ADGRB3: variants seen among roughly 807,000 people sequenced by gnomAD.
ADGRB3 encodes the protein brain-specific angiogenesis inhibitor 3.
In ADGRB3, 37 loss-of-function variants were observed where a neutral mutation model predicts 193.4. The ratio of observed to expected loss-of-function variants is 0.19; its 90% CI spans 0.15 to 0.25. The LOEUF is 0.25. Ranked by LOEUF, ADGRB3 falls within the 10% of genes least tolerant of loss-of-function variation. ADGRB3 has a pLI of 1.00. For missense variants in ADGRB3, 1,637 were observed against 1,852.9 expected (o/e 0.88, Z 2.14); for synonymous variants, 690 against 644.2 (o/e 1.07, Z -1.08).
At chr6:68,961,142 T>TA (rs1343267628) in intron 8 of ADGRB3, among the ~76,000 whole-genome samples, 1 of 152,172 alleles carries the variant, frequency 6.6e-6, no homozygotes, top group African/African-American at 2.4e-5. Flanking sequence ...TCAGCCAAAA[T>TA]AAGATCTCTT....
chr6:68,807,548 AT>A (rs1767431072), intron 3 of ADGRB3, among the ~76,000 whole-genome samples: 1 of 151,816 alleles, frequency 6.6e-6, no homozygotes, highest in Non-Finnish European at 1.5e-5. Context: ...CCGGATGTTA[AT>A]TTTTGTTAAC....
rs1554252054 is a variant in ADGRB3 at position 69,043,290 on chromosome 6, G to GAGAAAGAAAGAAAGAAAA, written c.2108-4878_2108-4877insAAGAAAGAAAGAAAGAAA. On this transcript the variant is annotated intron_variant, in intron 13 of 31. Transcript: ENST00000370598. ...GGAAAGAAAAGGAAAGGAAGAAAGA[G>GAGAAAGAAAGAAAGAAAA]AGAAAGAAAGAAAGAAAGAAAGAAA... 3.2e-4 allele frequency among the ~76,000 whole-genome samples: 28 copies of GAGAAAGAAAGAAAGAAAA among 88,088 alleles called. 1 individual carries two copies. The highest frequency in any genetic ancestry group is 1.8e-3 in the Admixed American group (16 of 9,024). 57.8% of individuals were successfully genotyped at this position (88,088 alleles called of 152,430 possible). A position where few individuals can be genotyped will look rare whatever the true frequency, so the allele number is the denominator to read the frequency against.
chr6:69,084,418 G>T (rs976007457), intron 17 of ADGRB3, among the ~76,000 whole-genome samples: 1 of 152,056 alleles, frequency 6.6e-6, no homozygotes, highest in African/African-American at 2.4e-5. Context: ...TAATTTTCTA[G>T]CATGGTAATA....
At chr6:68,849,466 G>A (rs1165417351) in intron 3 of ADGRB3, among the ~76,000 whole-genome samples, 1 of 151,890 alleles carries the variant, frequency 6.6e-6, no homozygotes, top group African/African-American at 2.4e-5. Context: ...AATCAAACTT[G>A]TGAAGTTCAA....
intron 17 of ADGRB3, among the ~76,000 whole-genome samples, chr6:69,137,056 C>CTTTTTTTTTTTTTTTTTTTTTTTTT (rs71548125): frequency 1.2e-5 from 1 of 80,112 alleles, no homozygotes; most frequent in Non-Finnish European, 2.4e-5. Context: ...TCTTTTCTTT[C>CTTTTTTTTTTTTTTTTTTTTTTTTT]TTTTTTTTTT....
At chr6:69,151,796 C>T (rs1013031316) in intron 17 of ADGRB3, among the ~76,000 whole-genome samples, 42 of 152,274 alleles carry the variant, frequency 2.8e-4, no homozygotes, top group African/African-American at 9.6e-4. Context: ...TTGGCTGTGT[C>T]GCCATCCAAA....
At chr6:69,191,468 C>G (rs1461071244) in intron 17 of ADGRB3, among the ~76,000 whole-genome samples, 1 of 151,934 alleles carries the variant, frequency 6.6e-6, no homozygotes, top group African/African-American at 2.4e-5. Context: ...ATAGTGAAGT[C>G]AAGAAGTGAT....
chr6:69,313,557 G>A (rs955770164), intron 20 of ADGRB3, among the ~76,000 whole-genome samples: 3 of 151,718 alleles, frequency 2.0e-5, no homozygotes, highest in Non-Finnish European at 4.4e-5. Context: ...CAAGTTGAAA[G>A]CAATTTTATA....
chr6:68,973,755 A>G (rs941117157), intron 8 of ADGRB3, among the ~76,000 whole-genome samples: 1 of 152,222 alleles, frequency 6.6e-6, no homozygotes, highest in Non-Finnish European at 1.5e-5. Context: ...GAAGACTGAT[A>G]TATGAACATG....
chr6:68,757,145 C>A (rs910872223), intron 3 of ADGRB3, among the ~76,000 whole-genome samples: 15 of 151,996 alleles, frequency 9.9e-5, no homozygotes, highest in African/African-American at 3.6e-4. Flanking sequence ...CTTTTCTGTT[C>A]TTTTCTCTAT....
At chr6:68,734,708 A>G (rs1170588562) in intron 3 of ADGRB3, among the ~76,000 whole-genome samples, 1 of 152,100 alleles carries the variant, frequency 6.6e-6, no homozygotes, top group African/African-American at 2.4e-5. Flanking sequence ...CAAAGTAGTT[A>G]GTGTGTCTCT....
chr6:69,182,437 G>A (rs1775610977), intron 17 of ADGRB3, among the ~76,000 whole-genome samples: 1 of 151,226 alleles, frequency 6.6e-6, no homozygotes, highest in South Asian at 2.1e-4. Context: ...GGCTAGTTAA[G>A]GTATCCTAAA....
rs147251802 is a variant in ADGRB3, at chr6:69,035,869, G to A, written c.2108-12316G>A. On this transcript the variant is annotated intron_variant, in intron 13 of 31. Coordinates refer to ENST00000370598, the MANE Select transcript of ADGRB3 (RefSeq NM_001704.3). The stretch of plus-strand genomic sequence containing the variant: ...TATGTCAAGGGTAACACTGATTTCT[G>A]GCTTGAGTAAAGTCGATAGAGGTGC... Among the ~76,000 whole-genome samples the A allele has an allele frequency of 1.1e-3, 161 of 152,234 alleles. 1 individual carries two copies. The highest frequency in any genetic ancestry group is 3.6e-3 in the African/African-American group (148 of 41,558).
intron 17 of ADGRB3, among the ~76,000 whole-genome samples, chr6:69,178,930 G>T (rs1775506681): frequency 6.6e-6 from 1 of 152,096 alleles, no homozygotes. Context: ...CTTTGTTGAT[G>T]TCTGTTTTAT....
chr6:68,860,645 C>T (rs1765126179), intron 3 of ADGRB3, among the ~76,000 whole-genome samples: 1 of 152,146 alleles, frequency 6.6e-6, no homozygotes, highest in East Asian at 1.9e-4. Context: ...CAGTCTTTCA[C>T]TGATAGACAC....
chr6:68,819,515 G>A (rs1046305120), intron 3 of ADGRB3, among the ~76,000 whole-genome samples: 43 of 151,470 alleles, frequency 2.8e-4, no homozygotes, highest in African/African-American at 1.0e-3. Flanking sequence ...AATTGAGTAC[G>A]ATTGATACCT....
chr6:68,790,496 T>C (rs1767080088), intron 3 of ADGRB3, among the ~76,000 whole-genome samples: 1 of 152,116 alleles, frequency 6.6e-6, no homozygotes, highest in South Asian at 2.1e-4. Context: ...CCTCCTCAAG[T>C]GGGTCCCTGA....
chr6:69,155,223 T>C (rs905945488), intron 17 of ADGRB3, among the ~76,000 whole-genome samples: 1 of 152,172 alleles, frequency 6.6e-6, no homozygotes, highest in Non-Finnish European at 1.5e-5. Context: ...ATAAACTGAA[T>C]ATTTCATGCC....
chr6:69,379,927 A>T (rs1379135609), intron 30 of ADGRB3, among the ~76,000 whole-genome samples: 1 of 152,006 alleles, frequency 6.6e-6, no homozygotes, highest in East Asian at 1.9e-4. Flanking sequence ...CAGCTTTATT[A>T]TTCAGAATAG....
Sources: gnomAD v4.1 joint callset for allele counts (sites outside exome capture counted in the v4.1 genomes callset) on GRCh38, gnomAD v4.1.1 for gene constraint, MANE v1.5 for transcripts, NCBI Gene and HGNC (gene_info 2026-07-23, HGNC 2026-07-21) for gene names.